The following RAB3C variants were observed in gnomAD, a reference collection of about 807,000 sequenced individuals.
The protein encoded by RAB3C is ras-related protein Rab-3C.
RAB3C carries 17 observed loss-of-function variants against 26.4 expected under a neutral mutation model. That is an observed-to-expected ratio of 0.64 (90% CI 0.44 to 0.97). The LOEUF is 0.97. Among genes scored for constraint, RAB3C ranks in the 50% least tolerant of loss-of-function variants. RAB3C has a pLI of 0.00. For synonymous variants in RAB3C, 91 were observed against 95.9 expected, an observed-to-expected ratio of 0.95 and a Z score of 0.30; for missense variants, 242 against 281.9, an observed-to-expected ratio of 0.86 and a Z score of 1.01.
At chr5:58,712,744 C>T (rs1386751198) in intron 2 of RAB3C, among the ~76,000 whole-genome samples, 4 of 152,194 alleles carry the variant, frequency 2.6e-5, no homozygotes, top group African/African-American at 7.2e-5. Context: ...AGGCTGATCT[C>T]GAACTTCTAA....
chr5:58,803,658 T>G (rs946879977), intron 3 of RAB3C, among the ~76,000 whole-genome samples: 1 of 152,188 alleles, frequency 6.6e-6, no homozygotes, highest in African/African-American at 2.4e-5. Context: ...GCAGTCAGGT[T>G]GAAAAGGACC....
intron 3 of RAB3C, among the ~76,000 whole-genome samples, chr5:58,777,451 T>C (rs1019389038): frequency 6.6e-5 from 10 of 152,148 alleles, no homozygotes; most frequent in African/African-American, 2.4e-4. Flanking sequence ...ATTACTTTTT[T>C]TAAGAAGCTT....
At chr5:58,686,440 A>G (rs1561289031) in intron 2 of RAB3C, among the ~76,000 whole-genome samples, 1 of 151,996 alleles carries the variant, frequency 6.6e-6, no homozygotes, top group Non-Finnish European at 1.5e-5. Flanking sequence ...CTAAAGTTTT[A>G]TTTGGTTTAT....
intron 1 of RAB3C, among the ~76,000 whole-genome samples, chr5:58,599,920 T>G (rs1241506544): frequency 6.6e-6 from 1 of 152,174 alleles, no homozygotes; most frequent in Non-Finnish European, 1.5e-5. Context: ...ATGAAATCCT[T>G]GCCTAAGCCA....
chr5:58,825,766 C>T (rs1743462639), intron 4 of RAB3C, among the ~76,000 whole-genome samples: 1 of 152,074 alleles, frequency 6.6e-6, no homozygotes, highest in Non-Finnish European at 1.5e-5. Context: ...AAACACAAAA[C>T]ATTGTATCTA....
chr5:58,717,936 G>A (rs775970283), intron 2 of RAB3C, among the ~76,000 whole-genome samples: 1 of 152,076 alleles, frequency 6.6e-6, no homozygotes, highest in Non-Finnish European at 1.5e-5. Context: ...CCTTTACAAA[G>A]AGTCTGGTTT....
chr5:58,786,409 G>C (rs1371300911), intron 3 of RAB3C, among the ~76,000 whole-genome samples: 1 of 152,034 alleles, frequency 6.6e-6, no homozygotes. Context: ...AATCTTGGTG[G>C]GGGGCTGCCT....
intron 3 of RAB3C, among the ~76,000 whole-genome samples, chr5:58,729,159 A>G (rs1241163076): frequency 3.3e-5 from 5 of 151,920 alleles, no homozygotes; most frequent in Non-Finnish European, 7.4e-5. Flanking sequence ...CTCTGCTATT[A>G]TTTCATTATA....
intron 4 of RAB3C, among the ~76,000 whole-genome samples, chr5:58,848,731 T>C (rs1036597535): frequency 6.6e-6 from 1 of 152,214 alleles, no homozygotes; most frequent in Non-Finnish European, 1.5e-5. Flanking sequence ...CATTTTAGCC[T>C]CATGATAACC....
intron 2 of RAB3C, among the ~76,000 whole-genome samples, chr5:58,687,254 C>T (rs1748463657): frequency 6.6e-6 from 1 of 152,190 alleles, no homozygotes; most frequent in Non-Finnish European, 1.5e-5. Flanking sequence ...TTCCCCAAAT[C>T]ATATTTTATG....
intron 3 of RAB3C, among the ~76,000 whole-genome samples, chr5:58,798,020 A>G (rs1014978343): frequency 6.6e-6 from 1 of 152,158 alleles, no homozygotes; most frequent in African/African-American, 2.4e-5. Flanking sequence ...GGCAGATACT[A>G]TTAGGTTATT....
chr5:58,676,277 T>C lies in RAB3C; in HGVS notation c.253-49725T>C, dbSNP rs1232413769. On this transcript the variant is annotated intron_variant, in intron 2 of 4. Coordinates refer to ENST00000282878, the MANE Select transcript of RAB3C (RefSeq NM_138453.4). The stretch of plus-strand genomic sequence containing the variant: ...CCAGAACTTTGGGAGGCCGAGGGAG[T>C]GGATCACTTGAGGTCAGGAGTTCGA... 2.8e-4 allele frequency among the ~76,000 whole-genome samples: 42 copies of C among 151,596 alleles called. 1 individual carries two copies.
At chr5:58,582,585 C>T (rs376403935), upstream of RAB3C, among the ~76,000 whole-genome samples, 1 of 152,106 alleles carries the variant, frequency 6.6e-6, no homozygotes, top group Non-Finnish European at 1.5e-5. Context: ...TTCTCCCCTA[C>T]GTTTGGTGAA....
intron 1 of RAB3C, among the ~76,000 whole-genome samples, chr5:58,611,493 T>A (rs1746699976): frequency 6.6e-6 from 1 of 152,120 alleles, no homozygotes; most frequent in Admixed American, 6.6e-5. Context: ...GATGTTGACC[T>A]TTTTTTCATG....
intron 2 of RAB3C, among the ~76,000 whole-genome samples, chr5:58,628,962 G>C (rs1561272067): frequency 7.2e-6 from 1 of 139,592 alleles, no homozygotes; most frequent in Admixed American, 7.6e-5. Flanking sequence ...GTGGAGGCGA[G>C]AGGATTGCTT....
chr5:58,779,248 T>G (rs542729100), intron 3 of RAB3C, among the ~76,000 whole-genome samples: 66 of 151,892 alleles, frequency 4.3e-4, no homozygotes, highest in Non-Finnish European at 7.6e-4. Flanking sequence ...CTGTCAGCTC[T>G]AAGTATCTGT....
chr5:58,609,364 TC>T (rs1746644633), intron 1 of RAB3C, among the ~76,000 whole-genome samples: 2 of 152,084 alleles, frequency 1.3e-5, no homozygotes, highest in South Asian at 4.1e-4. Context: ...GTCTCATTTT[TC>T]CAGCAGGGGA....
chr5:58,792,203 C>T (rs1742539121), intron 3 of RAB3C, among the ~76,000 whole-genome samples: 1 of 152,114 alleles, frequency 6.6e-6, no homozygotes, highest in Admixed American at 6.6e-5. Context: ...AATAATTTAG[C>T]ATTATGGGTA....
intron 4 of RAB3C, among the ~76,000 whole-genome samples, chr5:58,831,983 G>C (rs1743622273): frequency 6.6e-6 from 1 of 152,284 alleles, no homozygotes; most frequent in African/African-American, 2.4e-5. Context: ...TAAGTCCCAG[G>C]TTATTCCAAT....
Sources: allele counts gnomAD v4.1 joint callset (sites outside exome capture counted in the v4.1 genomes callset), GRCh38; gene constraint gnomAD v4.1.1; transcripts MANE v1.5; gene names NCBI Gene and HGNC (gene_info 2026-07-23, HGNC 2026-07-21).